MGRN1: variants seen among roughly 807,000 people sequenced by gnomAD.
MGRN1 encodes the protein E3 ubiquitin-protein ligase MGRN1.
Under a neutral mutation model 69.2 loss-of-function variants are expected in MGRN1, and 29 were observed. The ratio of observed to expected loss-of-function variants is 0.42; its 90% CI spans 0.31 to 0.57. MGRN1 has a LOEUF of 0.57. Among genes scored for constraint, MGRN1 ranks in the 20% least tolerant of loss-of-function variants. MGRN1 has a pLI of 0.15. For synonymous variants in MGRN1, 470 were observed against 344.2 expected (o/e 1.37, Z -4.04); for missense variants, 998 against 796.2 (o/e 1.25, Z -3.05).
intron 13 of MGRN1, among the ~76,000 whole-genome samples, chr16:4,682,299 G>A (rs906732884): frequency 2.6e-5 from 4 of 152,248 alleles, no homozygotes; most frequent in African/African-American, 9.6e-5. Flanking sequence ...GACAGCCTTC[G>A]GAGGGCCTGG....
chr16:4,657,011 G>C (rs2078559694), intron 4 of MGRN1, among the ~76,000 whole-genome samples: 1 of 152,250 alleles, frequency 6.6e-6, no homozygotes, highest in South Asian at 2.1e-4. Context: ...TGTGGGCTCT[G>C]GGAGAATTGT....
rs576174751 is a variant in MGRN1 at position 4,627,617 on chromosome 16, C to T, written c.88+2569C>T. Among the ~76,000 whole-genome samples, 11 of 150,740 alleles carry T rather than the reference C, an allele frequency of 7.3e-5. 1 individual carries two copies. The highest frequency in any genetic ancestry group is 2.5e-4 in the African/African-American group (10 of 40,600). ...CCTGGCTAACACGGGGAAACCCCGT[C>T]TCTACTAAAAATACAAAAAAATTTA... On this transcript the variant is annotated intron_variant, in intron 1 of 16. Transcript: ENST00000262370.
intron 5 of MGRN1, among the ~76,000 whole-genome samples, chr16:4,661,757 T>A (rs2078686911): frequency 6.6e-6 from 1 of 152,244 alleles, no homozygotes; most frequent in South Asian, 2.1e-4. Context: ...ATGGGACTTG[T>A]GGCTGGAACC....
At chr16:4,643,325 G>A (rs1237407132) in intron 1 of MGRN1, among the ~76,000 whole-genome samples, 1 of 151,878 alleles carries the variant, frequency 6.6e-6, no homozygotes, top group Non-Finnish European at 1.5e-5. Flanking sequence ...CGAACTGCTG[G>A]GCTCAAGTGA....
intron 4 of MGRN1, among the ~76,000 whole-genome samples, chr16:4,653,887 G>A (rs959122392): frequency 6.6e-6 from 1 of 152,136 alleles, no homozygotes; most frequent in Non-Finnish European, 1.5e-5. Context: ...CGAGTAGCTG[G>A]GATTACAGGC....
At chr16:4,688,475 C>T (rs534210838) in intron 16 of MGRN1, 68 of 1,133,142 alleles carry the variant, frequency 6.0e-5, no homozygotes, top group Middle Eastern at 3.8e-4. Context: ...CCCAGGAAAC[C>T]GGAACCAGGG....
Position 4,651,959 on chromosome 16 carries a change from C to G in MGRN1, c.208-4C>G. ...CACCTGGGGCCCTGTGGTTTTTCTC[C>G]TAGTTTCCCTACGTCACTCCTGCCC... On this transcript the variant is annotated splice_region_variant and splice_polypyrimidine_tract_variant and intron_variant, in intron 2 of 16. Coordinates refer to ENST00000262370, the MANE Select transcript of MGRN1 (RefSeq NM_015246.4). 6.2e-7 allele frequency: 1 copy of G among 1,613,906 alleles called. No homozygotes were observed. The highest frequency in any genetic ancestry group is 8.5e-7 in the Non-Finnish European group (1 of 1,179,876).
At chr16:4,680,438 C>A in intron 12 of MGRN1, 1 of 287,164 alleles carries the variant, frequency 3.5e-6, no homozygotes, top group Non-Finnish European at 6.7e-6. Flanking sequence ...AATCGCGCCC[C>A]GCGCATGCTT....
At chr16:4,660,350 C>T (rs922626502) in intron 5 of MGRN1, among the ~76,000 whole-genome samples, 1 of 152,242 alleles carries the variant, frequency 6.6e-6, no homozygotes, top group Admixed American at 6.5e-5. Context: ...CCTGGAGCCG[C>T]CCACTGTAAA....
chr16:4,625,022 C>G lies in MGRN1; in HGVS notation c.62C>G (p.Ser21Trp), dbSNP rs373216269. Residue 21 changes from serine to tryptophan, a missense_variant, in exon 1 of 17, where the codon TCG (serine) becomes TGG (tryptophan). Coordinates refer to ENST00000262370, the MANE Select transcript of MGRN1 (RefSeq NM_015246.4). Reference sequence around the variant, plus strand: ...GAGGACATCGACATCCAGGCGAACTCGGCCTATCGCTACCCTCCGAAGTCC... The same window carrying G: ...GAGGACATCGACATCCAGGCGAACTGGGCCTATCGCTACCCTCCGAAGTCC... Reference protein sequence around the residue: ...GVEDIDIQANSAYRYPPKSGN... With the variant: ...GVEDIDIQANWAYRYPPKSGN... 1 of 1,555,864 alleles carries G rather than the reference C, an allele frequency of 6.4e-7. No homozygotes were observed. Among genetic ancestry groups the G allele is most frequent in the East Asian group, 2.7e-5 (1 of 37,492 alleles).
intron 14 of MGRN1, 21 bp downstream of exon 14, chr16:4,682,967 C>A: frequency 3.9e-6 from 6 of 1,531,048 alleles, no homozygotes; most frequent in Non-Finnish European, 4.4e-6. Flanking sequence ...CCCGGGGAAG[C>A]TTTGCGCACC....
intron 13 of MGRN1, among the ~76,000 whole-genome samples, chr16:4,682,446 G>C (rs2079207686): frequency 1.3e-5 from 2 of 152,214 alleles, no homozygotes; most frequent in Admixed American, 1.3e-4. Flanking sequence ...GGGTTCTGCA[G>C]GCCCGCCCTG....
chr16:4,688,824 C>A lies in MGRN1; in HGVS notation c.1647C>A (p.His549Gln), dbSNP rs564894033. 26 of 1,552,990 alleles carry A rather than the reference C, an allele frequency of 1.7e-5. No individual in the cohort carries two copies. In the African/African-American group the frequency reaches 2.5e-4, roughly 15 times the overall value. The change falls in exon 17 of 17, where the codon CAC becomes CAA. Residue 549 changes from histidine (H) to glutamine (Q), a missense_variant. Transcript: ENST00000262370. ...PGRPTSMETA[H>Q]GLATTSPTWP... is the part of the protein sequence containing the mutation. ...GGCCCACCTCCATGGAGACGGCCCA[C>A]GGCCTCGCCACCACCAGCCCCACCT...
intron 8 of MGRN1, chr16:4,669,162 A>C (rs1013536104): frequency 6.6e-6 from 1 of 152,282 alleles, no homozygotes; most frequent in South Asian, 2.1e-4. Context: ...GGCTGGGCGC[A>C]GTGGCTAACG....
rs375064408 is a variant in MGRN1 at position 4,681,703 on chromosome 16, C to T, written c.1285C>T (p.Pro429Ser). 3.7e-6 allele frequency: 6 copies of T among 1,613,338 alleles called. No homozygotes were observed. Among genetic ancestry groups the T allele is most frequent in the Non-Finnish European group, 5.1e-6 (6 of 1,179,976 alleles). ...ISDGLSQASC[P>S]LAAIDHILDS... is the part of the protein sequence containing the mutation. ...GGACGGCCTGTCCCAGGCCAGCTGT[C>T]CCCTCGCGGCTATCGACCACATCCT... Residue 429 changes from proline (P) to serine (S), a missense_variant, in exon 13 of 17, where the codon CCC (proline) becomes TCC (serine). Coordinates refer to ENST00000262370, the MANE Select transcript of MGRN1 (RefSeq NM_015246.4).
chr16:4,682,261 C>T (rs758086968), intron 13 of MGRN1, among the ~76,000 whole-genome samples: 4 of 152,218 alleles, frequency 2.6e-5, no homozygotes, highest in Admixed American at 6.5e-5. Flanking sequence ...CCTCTCCAGG[C>T]GATGAGTGCA....
intron 7 of MGRN1, among the ~76,000 whole-genome samples, chr16:4,667,945 A>C (rs774463339): frequency 3.3e-5 from 5 of 151,768 alleles, no homozygotes; most frequent in African/African-American, 7.3e-5. Flanking sequence ...CCATCATCTG[A>C]ACTTGGCTGA....
chr16:4,650,745 T>A, intron 2 of MGRN1: 4 of 343,946 alleles, frequency 1.2e-5, no homozygotes, highest in Non-Finnish European at 2.1e-5. Flanking sequence ...GCGTCTGGGC[T>A]GCAACGGCTG....
chr16:4,688,824 C>G lies in MGRN1; in HGVS notation c.1647C>G (p.His549Gln). Residue 549 changes from histidine (H) to glutamine (Q), a missense_variant, in exon 17 of 17, where the codon CAC becomes CAG. By Grantham distance (24) the His-to-Gln change is conservative (BLOSUM62 0). Transcript: ENST00000262370. The part of the protein sequence containing the change: ...PGRPTSMETA[H>Q]GLATTSPTWP... Reference sequence around the variant, plus strand: ...GGCCCACCTCCATGGAGACGGCCCACGGCCTCGCCACCACCAGCCCCACCT... The same window carrying G: ...GGCCCACCTCCATGGAGACGGCCCAGGGCCTCGCCACCACCAGCCCCACCT... 6.4e-7 allele frequency: 1 copy of G among 1,553,108 alleles called. No homozygotes were observed. The highest frequency in any genetic ancestry group is 8.7e-7 in the Non-Finnish European group (1 of 1,148,014).
Sources: allele counts gnomAD v4.1 joint callset (sites outside exome capture counted in the v4.1 genomes callset), GRCh38; gene constraint gnomAD v4.1.1; transcripts MANE v1.5; gene names NCBI Gene and HGNC (gene_info 2026-07-23, HGNC 2026-07-21).